SNX14: variants seen among roughly 807,000 people sequenced by gnomAD.
The protein encoded by SNX14 is sorting nexin 14.
In SNX14, 93 loss-of-function variants were observed where a neutral mutation model predicts 133.8. The ratio of observed to expected loss-of-function variants is 0.70; its 90% CI spans 0.59 to 0.83. The LOEUF (loss-of-function observed/expected upper bound fraction) is 0.83, where lower values mean the gene tolerates loss of function less well. Among genes scored for constraint, SNX14 ranks in the 40% least tolerant of loss-of-function variants. The pLI is 0.00. For synonymous variants in SNX14, 368 were observed against 365.6 expected, an observed-to-expected ratio of 1.01 and a Z score of -0.07; for missense variants, 945 against 1,094.9, an observed-to-expected ratio of 0.86 and a Z score of 1.93.
At chr6:85,537,746 C>T (rs998948382) in intron 16 of SNX14, among the ~76,000 whole-genome samples, 4 of 152,150 alleles carry the variant, frequency 2.6e-5, no homozygotes, top group Non-Finnish European at 2.9e-5. Flanking sequence ...GTCAAGAGTT[C>T]GAGACCAGCC....
At chr6:85,584,616 G>T (rs931181141) in intron 1 of SNX14, among the ~76,000 whole-genome samples, 3 of 152,100 alleles carry the variant, frequency 2.0e-5, no homozygotes, top group Non-Finnish European at 4.4e-5. Context: ...CTCAAAAGAA[G>T]ACATTTATGC....
intron 20 of SNX14, among the ~76,000 whole-genome samples, chr6:85,528,057 G>T (rs1221713214): frequency 6.6e-6 from 1 of 151,932 alleles, no homozygotes; most frequent in Non-Finnish European, 1.5e-5. Context: ...AAAATATCTT[G>T]CATTTCATTC....
At chr6:85,509,841 C>T (rs6930790) in intron 26 of SNX14, among the ~76,000 whole-genome samples, 19,964 of 152,146 alleles carry the variant, frequency 0.13, 1,487 homozygotes, top group African/African-American at 0.21. Context: ...CCCTCCAATC[C>T]ACTGTCTTCT....
chr6:85,508,709 C>T (rs1415483411), intron 26 of SNX14, among the ~76,000 whole-genome samples: 1 of 152,102 alleles, frequency 6.6e-6, no homozygotes, highest in Non-Finnish European at 1.5e-5. Context: ...TATTTAGGGT[C>T]CAACGAGTTC....
chr6:85,572,292 A>C lies in SNX14; in HGVS notation c.338+6T>G. On this transcript the variant is annotated splice_donor_region_variant and intron_variant, in intron 3 of 28. Transcript: ENST00000314673. ...GGATCAACAAATAAAAAAATATTTAACTTACCTATGTCGTTTACATTTCAC... is the reference window on the plus strand; with the variant it reads ...GGATCAACAAATAAAAAAATATTTACCTTACCTATGTCGTTTACATTTCAC... The C allele has an allele frequency of 6.2e-7, 1 of 1,612,700 alleles. No individual in the cohort carries two copies. The highest frequency in any genetic ancestry group is 8.5e-7 in the Non-Finnish European group (1 of 1,179,146).
In SNX14 at chr6:85,545,867, G is replaced by T. The variant is rs188767040; in HGVS notation, c.1108+1245C>A. ...CCCAGCTAATTTTTGTATTTTTGTC[G>T]AGACAGGGTTTCACTATGTTGCCCA... On this transcript the variant is annotated intron_variant, in intron 12 of 28. Transcript: ENST00000314673. Among the ~76,000 whole-genome samples the T allele has an allele frequency of 5.1e-3, 776 of 152,166 alleles. 6 individuals carry two copies. Among genetic ancestry groups the T allele is most frequent in the African/African-American group, 0.018 (747 of 41,506 alleles).
chr6:85,536,903 T>C lies in SNX14; in HGVS notation c.1497A>G (p.Glu499=), dbSNP rs1782136270. 1 of 1,612,968 alleles carries C rather than the reference T, an allele frequency of 6.2e-7. No individual in the cohort carries two copies. Among genetic ancestry groups the C allele is most frequent in the Non-Finnish European group, 8.5e-7 (1 of 1,179,496 alleles). Residue 499 remains glutamate (E), a synonymous_variant, in exon 17 of 29, where the codon GAA becomes GAG. Coordinates refer to ENST00000314673, the MANE Select transcript of SNX14 (RefSeq NM_153816.6). ...TACCTATTCTGCTGATTCCAAATGA[T>C]TCTCCCCTTTTCTGTGTGTTCCTGA... ...DDFRNTQKRG[E]SFGISRIGSK...
chr6:85,536,723 G>C (rs1638290500), intron 17 of SNX14, 69 bp downstream of exon 17: 2 of 1,461,190 alleles, frequency 1.4e-6, no homozygotes, highest in South Asian at 2.7e-5. Context: ...AAAATAATGA[G>C]TATATCTAAT....
chr6:85,510,332 T>A (rs762787984), intron 26 of SNX14, among the ~76,000 whole-genome samples: 2 of 152,168 alleles, frequency 1.3e-5, no homozygotes, highest in East Asian at 3.9e-4. Context: ...TTCTAACAGG[T>A]GTGTGGTGGT....
At chr6:85,523,636 G>T (rs576317459) in intron 21 of SNX14, among the ~76,000 whole-genome samples, 8 of 152,118 alleles carry the variant, frequency 5.3e-5, no homozygotes, top group South Asian at 2.1e-4. Context: ...TCTGGGTGTG[G>T]TGGTGCACAC....
At position 85,574,316 on chromosome 6, in the gene SNX14, G is replaced by A. The variant is rs1273315491; in HGVS notation, c.203C>T (p.Ser68Leu). 4 of 1,593,960 alleles carry A rather than the reference G, an allele frequency of 2.5e-6. No individual in the cohort carries two copies. The highest frequency in any genetic ancestry group is 2.6e-6 in the Non-Finnish European group (3 of 1,163,950). Reference sequence around the variant, plus strand: ...TGGTAAGAGAGAATCAGGTCCTAGTGAGCAGTAGAATGTGACAACTCCAGC... The same window carrying A: ...TGGTAAGAGAGAATCAGGTCCTAGTAAGCAGTAGAATGTGACAACTCCAGC... The part of the protein sequence containing the change: ...FVAGVVTFYC[S>L]LGPDSLLPNI... The change falls in exon 2 of 29, where the codon TCA becomes TTA. Residue 68 changes from serine (S) to leucine (L), a missense_variant. Coordinates refer to ENST00000314673, the MANE Select transcript of SNX14 (RefSeq NM_153816.6).
chr6:85,538,800 C>T (rs746055521), intron 16 of SNX14, 38 bp downstream of exon 16: 1 of 1,568,020 alleles, frequency 6.4e-7, no homozygotes, highest in South Asian at 1.2e-5. Flanking sequence ...TTTCTAAAAA[C>T]ATTTAATACT....
At chr6:85,511,549 T>C (rs1181256012) in intron 26 of SNX14, among the ~76,000 whole-genome samples, 1 of 152,240 alleles carries the variant, frequency 6.6e-6, no homozygotes, top group Non-Finnish European at 1.5e-5. Flanking sequence ...TTTTTGTAGA[T>C]ATTCTTTATC....
chr6:85,543,065 G>T, intron 14 of SNX14, 117 bp downstream of exon 14: 1 of 1,062,506 alleles, frequency 9.4e-7, no homozygotes, highest in Non-Finnish European at 1.3e-6. Flanking sequence ...ACTGTGCCCA[G>T]TAATCTTGTC....
chr6:85,542,889 C>T (rs1263012825), intron 14 of SNX14, among the ~76,000 whole-genome samples: 3 of 152,110 alleles, frequency 2.0e-5, no homozygotes, highest in Admixed American at 2.0e-4. Context: ...GCCTCAGCCT[C>T]CTGAGTAACT....
chr6:85,566,778 T>A (rs1024235183), intron 5 of SNX14, among the ~76,000 whole-genome samples: 1 of 152,170 alleles, frequency 6.6e-6, no homozygotes, highest in East Asian at 1.9e-4. Flanking sequence ...TTAAACATCA[T>A]ATGTATAAGC....
Position 85,574,360 on chromosome 6 carries a change from C to A in SNX14, c.159G>T (p.Met53Ile), listed in dbSNP as rs141583952. ...CTCCAGCAACAAATGACCAGAAGAT[C>A]ATTAAAATATGAATATACCTTAAAA... Reference protein sequence around the residue: ...LLLNRYIHILMIFWSFVAGVV... With the variant: ...LLLNRYIHILIIFWSFVAGVV... Residue 53 changes from methionine to isoleucine, a missense_variant, in exon 2 of 29, where the codon ATG becomes ATT. Physicochemically the swap from Met to Ile is conservative, Grantham distance 10 (BLOSUM62 1). This residue lies in a region of SNX14 where 514 missense variants were observed against 538.8 expected (regional missense o/e 0.95). Coordinates refer to ENST00000314673, the MANE Select transcript of SNX14 (RefSeq NM_153816.6). 684 of 1,558,716 alleles carry A rather than the reference C, an allele frequency of 4.4e-4. No individual in the cohort carries two copies. Among genetic ancestry groups the A allele is most frequent in the Admixed American group, 6.5e-4 (38 of 58,394 alleles).
chr6:85,538,555 TCAA>T (rs1479993216), intron 16 of SNX14, among the ~76,000 whole-genome samples: 2 of 152,012 alleles, frequency 1.3e-5, no homozygotes. Context: ...CAAAAATGAG[TCAA>T]CAGCCTTAAA....
Position 85,570,569 on chromosome 6 carries a change from A to G in SNX14, c.417+1568T>C, listed in dbSNP as rs1167744837. Among the ~76,000 whole-genome samples, 6 of 152,154 alleles carry G rather than the reference A, an allele frequency of 3.9e-5. No homozygotes were observed. In the East Asian group the frequency reaches 1.2e-3, roughly 29 times the overall value. On this transcript the variant is annotated intron_variant, in intron 4 of 28. Coordinates refer to ENST00000314673, the MANE Select transcript of SNX14 (RefSeq NM_153816.6). ...ATGTAATCAATATAAAAAATGAGAT[A>G]CTTGTCCAGGCGCAGTGGCTGACTC... is the stretch of plus-strand genomic sequence containing the variant.
Sources: allele counts gnomAD v4.1 joint callset (sites outside exome capture counted in the v4.1 genomes callset), GRCh38; gene constraint gnomAD v4.1.1; regional missense constraint gnomAD v4.1.1; transcripts MANE v1.5; gene names NCBI Gene and HGNC (gene_info 2026-07-23, HGNC 2026-07-21).